The following OPCML variants were observed in gnomAD, a reference collection of about 807,000 sequenced individuals.
OPCML encodes the protein opioid binding protein/cell adhesion molecule like, also known as opioid-binding protein/cell adhesion molecule.
A neutral mutation model predicts 37.8 loss-of-function variants in OPCML; 13 were observed. The ratio of observed to expected loss-of-function variants is 0.34; its 90% confidence interval spans 0.22 to 0.55. The LOEUF (loss-of-function observed/expected upper bound fraction) is 0.55. Ranked by LOEUF, OPCML falls within the 20% of genes least tolerant of loss-of-function variation. The pLI is 0.91. For missense variants in OPCML, 341 were observed against 435.6 expected (o/e 0.78, Z 1.93); for synonymous variants, 176 against 168.8 (o/e 1.04, Z -0.33).
In OPCML at chr11:132,420,163, G is replaced by A. The variant is rs1441990877; in HGVS notation, c.*30C>T. The A allele has an allele frequency of 6.3e-7, 1 of 1,595,124 alleles. No homozygotes were observed. Among genetic ancestry groups the A allele is most frequent in the Non-Finnish European group, 8.6e-7 (1 of 1,163,458 alleles). On this transcript the variant is annotated 3_prime_UTR_variant, in exon 8 of 8. Coordinates refer to ENST00000524381, the MANE Select transcript of OPCML (RefSeq NM_001012393.5). The stretch of plus-strand genomic sequence containing the variant: ...TTAAAGTCTGTGATATGGAGAAGCA[G>A]GCGTTGCTCAGAGGACCTAGGATTT...
At chr11:133,334,886 C>A (rs749156090) in intron 1 of OPCML, among the ~76,000 whole-genome samples, 1 of 152,116 alleles carries the variant, frequency 6.6e-6, no homozygotes, top group Non-Finnish European at 1.5e-5. Flanking sequence ...ATGAGAGGGG[C>A]AACAGGAATA....
chr11:133,396,083 A>G (rs917314376), intron 1 of OPCML, among the ~76,000 whole-genome samples: 1 of 152,008 alleles, frequency 6.6e-6, no homozygotes, highest in Non-Finnish European at 1.5e-5. Flanking sequence ...TACTTTTCAT[A>G]GTAGAGAGCT....
intron 1 of OPCML, among the ~76,000 whole-genome samples, chr11:133,037,235 T>TGA (rs1565411316): frequency 6.6e-6 from 1 of 152,172 alleles, no homozygotes; most frequent in Non-Finnish European, 1.5e-5. Flanking sequence ...ATCACCACTG[T>TGA]GAGGATGAGG....
intron 1 of OPCML, chr11:133,532,044 G>T: frequency 7.0e-6 from 2 of 287,190 alleles, no homozygotes; most frequent in Non-Finnish European, 1.0e-5. Flanking sequence ...GGATCCCCCG[G>T]AACAGAGAGC....
At chr11:132,571,798 T>C (rs777387445) in intron 3 of OPCML, among the ~76,000 whole-genome samples, 3 of 152,206 alleles carry the variant, frequency 2.0e-5, no homozygotes, top group African/African-American at 4.8e-5. Context: ...AGAAATGAGA[T>C]TATGAATAAT....
At chr11:133,311,013 C>T (rs1338455129) in intron 1 of OPCML, among the ~76,000 whole-genome samples, 1 of 152,146 alleles carries the variant, frequency 6.6e-6, no homozygotes, top group Non-Finnish European at 1.5e-5. Context: ...TTAACAATTG[C>T]CAACCAGATG....
At chr11:133,017,680 C>T (rs925087483) in intron 1 of OPCML, among the ~76,000 whole-genome samples, 7 of 152,170 alleles carry the variant, frequency 4.6e-5, no homozygotes, top group East Asian at 3.9e-4. Flanking sequence ...TGAGCCACTG[C>T]GCCTGGCTTC....
chr11:133,156,829 C>A (rs371543002), intron 1 of OPCML, among the ~76,000 whole-genome samples: 2 of 152,034 alleles, frequency 1.3e-5, no homozygotes, highest in Non-Finnish European at 2.9e-5. Context: ...AGTAGAGTTT[C>A]GTTTTGTTGT....
intron 4 of OPCML, among the ~76,000 whole-genome samples, chr11:132,523,304 G>A (rs2096298951): frequency 6.6e-6 from 1 of 152,164 alleles, no homozygotes; most frequent in Non-Finnish European, 1.5e-5. Context: ...GCTAGTATTA[G>A]CTCTTTACTT....
intron 2 of OPCML, among the ~76,000 whole-genome samples, chr11:132,672,595 G>A (rs1942522791): frequency 6.6e-6 from 1 of 152,176 alleles, no homozygotes; most frequent in Non-Finnish European, 1.5e-5. Flanking sequence ...GTAGCTCCAA[G>A]TCTCTTGAAG....
At chr11:132,601,203 G>A (rs1460527139) in intron 3 of OPCML, among the ~76,000 whole-genome samples, 2 of 151,986 alleles carry the variant, frequency 1.3e-5, no homozygotes, top group Admixed American at 1.3e-4. Flanking sequence ...GCTGTGAAAT[G>A]GTTTCTCCTG....
chr11:133,476,736 C>T (rs79729200), intron 1 of OPCML, among the ~76,000 whole-genome samples: 4,703 of 152,184 alleles, frequency 0.031, 187 homozygotes, highest in East Asian at 0.093. Flanking sequence ...TCGAGGAGAA[C>T]GGCAAGACAG....
At chr11:132,511,531 C>T (rs2096268853) in intron 4 of OPCML, among the ~76,000 whole-genome samples, 1 of 151,684 alleles carries the variant, frequency 6.6e-6, no homozygotes, top group African/African-American at 2.4e-5. Flanking sequence ...TGATTGTAAT[C>T]AAAACAGTAT....
chr11:132,999,235 TC>T (rs1946946203), intron 1 of OPCML, among the ~76,000 whole-genome samples: 1 of 152,080 alleles, frequency 6.6e-6, no homozygotes, highest in Non-Finnish European at 1.5e-5. Flanking sequence ...TACTATCATT[TC>T]TCTTTCAGAT....
chr11:132,632,803 C>T (rs764284722), intron 3 of OPCML, among the ~76,000 whole-genome samples: 6 of 152,172 alleles, frequency 3.9e-5, no homozygotes, highest in Non-Finnish European at 7.3e-5. Context: ...GCGTTCAGCA[C>T]GGCTGCTGCT....
intron 1 of OPCML, among the ~76,000 whole-genome samples, chr11:133,448,612 C>T (rs1185834431): frequency 1.3e-5 from 2 of 152,154 alleles, no homozygotes; most frequent in Non-Finnish European, 2.9e-5. Flanking sequence ...TGCCTGCCAC[C>T]ATGCCCAGCT....
At position 133,265,341 on chromosome 11, in the gene OPCML, G is replaced by A. The variant is rs550346077; in HGVS notation, c.61+266923C>T. Among the ~76,000 whole-genome samples, 3 of 152,290 alleles carry A rather than the reference G, an allele frequency of 2.0e-5. No individual in the cohort carries two copies. In the East Asian group the frequency reaches 5.8e-4, roughly 29 times the overall value. ...AGCAAAGAGTCTGCCATCATACCAG[G>A]TTCTGCTCTGCAGGGTCTGATATAT... is the stretch of plus-strand genomic sequence containing the variant. On this transcript the variant is annotated intron_variant, in intron 1 of 7. Transcript: ENST00000524381.
intron 1 of OPCML, among the ~76,000 whole-genome samples, chr11:133,026,887 GT>G (rs1330345519): frequency 5.9e-4 from 90 of 152,236 alleles, no homozygotes; most frequent in East Asian, 3.9e-4. Flanking sequence ...ATATGTTAGA[GT>G]GTCTTGATAT....
At chr11:133,367,828 C>T (rs2136741946) in intron 1 of OPCML, among the ~76,000 whole-genome samples, 1 of 152,302 alleles carries the variant, frequency 6.6e-6, no homozygotes, top group Middle Eastern at 3.4e-3. Context: ...CCTCTGATCC[C>T]ATTTAGCACC....
Sources: allele counts gnomAD v4.1 joint callset (sites outside exome capture counted in the v4.1 genomes callset), GRCh38; gene constraint gnomAD v4.1.1; transcripts MANE v1.5; gene names NCBI Gene and HGNC (gene_info 2026-07-23, HGNC 2026-07-21).